The following CDH18 variants were observed in gnomAD, a reference collection of about 807,000 sequenced individuals.
The protein encoded by CDH18 is cadherin 18, also known as cadherin-18.
Under a neutral mutation model 67.9 loss-of-function variants are expected in CDH18, and 31 were observed. That is an observed-to-expected ratio of 0.46 (90% CI 0.34 to 0.62). The LOEUF (loss-of-function observed/expected upper bound fraction) is 0.62. Ranked by LOEUF, CDH18 falls within the 20% of genes least tolerant of loss-of-function variation. CDH18 has a pLI of 0.01. For missense variants in CDH18, 890 were observed against 975.5 expected (o/e 0.91, Z 1.17); for synonymous variants, 362 against 347.2 (o/e 1.04, Z -0.48).
At chr5:20,241,799 C>A (rs895683885) in intron 2 of CDH18, among the ~76,000 whole-genome samples, 1 of 150,212 alleles carries the variant, frequency 6.7e-6, no homozygotes, top group East Asian at 2.0e-4. Flanking sequence ...TTGCAGTGAG[C>A]CAAGATTGCG....
chr5:19,540,052 GAGCCT>G (rs575804358), intron 9 of CDH18, among the ~76,000 whole-genome samples: 24 of 152,278 alleles, frequency 1.6e-4, no homozygotes, highest in Admixed American at 7.8e-4. Flanking sequence ...TTCTGCTTAT[GAGCCT>G]GGAAAATCAA....
At chr5:20,035,012 T>G (rs2150459479) in intron 2 of CDH18, among the ~76,000 whole-genome samples, 1 of 152,186 alleles carries the variant, frequency 6.6e-6, no homozygotes, top group Admixed American at 6.6e-5. Flanking sequence ...ACATAAAACC[T>G]TTCAAATCCA....
At chr5:19,936,200 T>C (rs536770311) in intron 2 of CDH18, among the ~76,000 whole-genome samples, 49 of 151,506 alleles carry the variant, frequency 3.2e-4, no homozygotes, top group African/African-American at 1.1e-3. Flanking sequence ...CTGAGTCATT[T>C]GTTGCCTTGT....
chr5:19,568,899 C>T (rs555884399), intron 8 of CDH18, among the ~76,000 whole-genome samples: 1 of 152,256 alleles, frequency 6.6e-6, no homozygotes, highest in South Asian at 2.1e-4. Context: ...TTCAACTGTC[C>T]CTTGCAGGGG....
At chr5:19,605,214 T>A (rs1433949890) in intron 6 of CDH18, among the ~76,000 whole-genome samples, 4 of 151,826 alleles carry the variant, frequency 2.6e-5, no homozygotes, top group Admixed American at 2.0e-4. Flanking sequence ...TCCATATAAT[T>A]TCAAAATATT....
chr5:19,699,769 G>A (rs1444729351), intron 5 of CDH18, among the ~76,000 whole-genome samples: 1 of 151,914 alleles, frequency 6.6e-6, no homozygotes, highest in Non-Finnish European at 1.5e-5. Context: ...AATAATCTTG[G>A]ACTTCCCAGT....
At chr5:20,457,010 C>T (rs1453895607) in intron 1 of CDH18, among the ~76,000 whole-genome samples, 1 of 152,086 alleles carries the variant, frequency 6.6e-6, no homozygotes, top group Non-Finnish European at 1.5e-5. Context: ...AACCAAAATA[C>T]ATTTGTAATG....
At chr5:20,396,274 G>A (rs1317540421) in intron 1 of CDH18, among the ~76,000 whole-genome samples, 1 of 151,998 alleles carries the variant, frequency 6.6e-6, no homozygotes, top group Non-Finnish European at 1.5e-5. Flanking sequence ...CACCCAGCTG[G>A]TATCTGCTGG....
At chr5:19,983,513 T>C (rs924081588) in intron 1 of CDH18, among the ~76,000 whole-genome samples, 5 of 152,216 alleles carry the variant, frequency 3.3e-5, no homozygotes, top group African/African-American at 9.6e-5. Context: ...TTGAAGGACG[T>C]TGATTAAAGC....
chr5:20,489,032 T>C (rs1346562785), intron 1 of CDH18, among the ~76,000 whole-genome samples: 3 of 152,064 alleles, frequency 2.0e-5, no homozygotes, highest in African/African-American at 7.2e-5. Context: ...GGAAGCAGCT[T>C]CCACTTTACC....
At chr5:19,491,031 T>A (rs1349687994) in intron 11 of CDH18, among the ~76,000 whole-genome samples, 1 of 152,128 alleles carries the variant, frequency 6.6e-6, no homozygotes, top group African/African-American at 2.4e-5. Context: ...CATTTTAGGG[T>A]CAAGATTGTA....
chr5:19,828,383 C>A (rs62355791), intron 3 of CDH18, among the ~76,000 whole-genome samples: 1 of 152,050 alleles, frequency 6.6e-6, no homozygotes, highest in Non-Finnish European at 1.5e-5. Flanking sequence ...CAGCATCATC[C>A]TGATACAAAA....
At chr5:19,530,894 T>C (rs1394672479) in intron 9 of CDH18, among the ~76,000 whole-genome samples, 2 of 135,352 alleles carry the variant, frequency 1.5e-5, no homozygotes, top group African/African-American at 5.8e-5. Flanking sequence ...CAATATACCC[T>C]TGCGCTTCTC....
At chr5:19,596,485 G>A (rs781684537) in intron 6 of CDH18, among the ~76,000 whole-genome samples, 1 of 152,118 alleles carries the variant, frequency 6.6e-6, no homozygotes, top group Non-Finnish European at 1.5e-5. Flanking sequence ...TATTACATAA[G>A]CCTTCAAAAA....
chr5:20,458,645 A>AAAC (rs1554002950), intron 1 of CDH18, among the ~76,000 whole-genome samples: 2 of 151,736 alleles, frequency 1.3e-5, no homozygotes, highest in South Asian at 4.2e-4. Flanking sequence ...ACAACAAAAA[A>AAAC]CCCATATGTA....
In CDH18 at chr5:20,275,971, A is replaced by G. The variant is rs551228715; in HGVS notation, c.-579-20466T>C. The stretch of plus-strand genomic sequence containing the variant: ...ACTGGGCAGAATTCTGCTGGGTCCC[A>G]TGGAGGGAGCATTTAGACCAGCCCT... On this transcript the variant is annotated intron_variant, in intron 1 of 14. Coordinates refer to the CDH18 transcript ENST00000507958. 2.6e-5 allele frequency among the ~76,000 whole-genome samples: 4 copies of G among 152,254 alleles called. No homozygotes were observed. In the South Asian group the frequency reaches 8.3e-4, roughly 32 times the overall value.
At chr5:20,435,964 T>A (rs181767604) in intron 1 of CDH18, among the ~76,000 whole-genome samples, 4 of 152,180 alleles carry the variant, frequency 2.6e-5, no homozygotes, top group African/African-American at 9.6e-5. Context: ...TTAACCTAAG[T>A]ACTTCTAAGT....
At chr5:19,638,138 C>A (rs542205792) in intron 5 of CDH18, among the ~76,000 whole-genome samples, 1 of 152,090 alleles carries the variant, frequency 6.6e-6, no homozygotes, top group Non-Finnish European at 1.5e-5. Context: ...CATAACAAGT[C>A]GACAGTAAAC....
chr5:19,994,855 T>TATATATATATATATATATATAGAGAGAG (rs760777430), intron 2 of CDH18, among the ~76,000 whole-genome samples: 1 of 67,586 alleles, frequency 1.5e-5, no homozygotes, highest in Non-Finnish European at 2.5e-5. Flanking sequence ...TATATATATA[T>TATATATATATATATATATATAGAGAGAG]AGAGAGAGAG....
Sources: allele counts gnomAD v4.1 joint callset (sites outside exome capture counted in the v4.1 genomes callset), GRCh38; gene constraint gnomAD v4.1.1; transcripts MANE v1.5; gene names NCBI Gene and HGNC (gene_info 2026-07-23, HGNC 2026-07-21).